Variants in MYO15A observed in about 807,000 individuals in gnomAD.
MYO15A encodes myosin XVA.
In MYO15A, 308 loss-of-function variants were observed where a neutral mutation model predicts 394.6. The ratio of observed to expected loss-of-function variants is 0.78; its 90% CI spans 0.71 to 0.86. The LOEUF (loss-of-function observed/expected upper bound fraction) is 0.86, where lower values mean the gene tolerates loss of function less well. Ranked by LOEUF, MYO15A falls within the 40% of genes least tolerant of loss-of-function variation. The pLI is 0.00. For missense variants in MYO15A, 4,606 were observed against 4,799.1 expected (o/e 0.96, Z 1.19); for synonymous variants, 1,957 against 2,003.8 (o/e 0.98, Z 0.62).
chr17:18,150,958 A>G lies in MYO15A; in HGVS notation c.7473+45A>G, dbSNP rs376066846. On this transcript the variant is annotated intron_variant, in intron 38 of 65. Transcript: ENST00000647165. This position sits in a 1 kb window ranked among gnomAD's most constrained non-coding sequence, Gnocchi z 4.4. ...GGTGCAGGGGTTGCTTGGAGACACA[A>G]GCTGTAAAGAGGAATGCTGTGCTGC... The G allele has an allele frequency of 9.4e-5, 151 of 1,609,662 alleles. No individual in the cohort carries two copies. The highest frequency in any genetic ancestry group is 1.2e-4 in the Non-Finnish European group (142 of 1,179,032).
intron 18 of MYO15A, 99 bp from the exon 19 acceptor site, chr17:18,139,435 G>C: frequency 7.4e-7 from 1 of 1,344,288 alleles, no homozygotes. Context: ...GTGGGGGCTG[G>C]AGGGGTGGGG....
chr17:18,136,728 A>T, intron 15 of MYO15A, 42 bp downstream of exon 15: 1 of 1,552,478 alleles, frequency 6.4e-7, no homozygotes, highest in Non-Finnish European at 8.7e-7. Context: ...GACATAGGCA[A>T]GGTCTCGCCT....
chr17:18,156,065 G>T, intron 47 of MYO15A, 130 bp from the exon 48 acceptor site: 1 of 1,415,402 alleles, frequency 7.1e-7, no homozygotes, highest in East Asian at 2.4e-5. Flanking sequence ...AGGGTTCTGT[G>T]GGAGCTGGCA....
chr17:18,133,365 C>T lies in MYO15A; in HGVS notation c.4461C>T (p.Asn1487=), dbSNP rs201076604. ...RILASILHLG[N]VYFEKYETDA... is the part of the protein sequence containing the mutation. ...TGGCCTCCATCCTGCACCTGGGCAA[C>T]GTCTACTTTGAGAAGTATGAGGTGA... Residue 1487 remains asparagine, a synonymous_variant, in exon 12 of 66, where the codon AAC becomes AAT. Transcript: ENST00000647165. The T allele has an allele frequency of 2.5e-4, 402 of 1,614,190 alleles. No homozygotes were observed. The highest frequency in any genetic ancestry group is 3.0e-4 in the Non-Finnish European group (355 of 1,180,036).
chr17:18,149,796 G>A, intron 35 of MYO15A: 1 of 620,494 alleles, frequency 1.6e-6, no homozygotes, highest in South Asian at 1.8e-5. Context: ...ACAGTTAGAA[G>A]TGCACCTCTA....
intron 64 of MYO15A, among the ~76,000 whole-genome samples, chr17:18,173,159 C>A (rs569122941): frequency 1.3e-4 from 20 of 152,272 alleles, no homozygotes; most frequent in African/African-American, 3.1e-4. Context: ...TTCCTTCTCT[C>A]CTGGGGGTGA....
In MYO15A at chr17:18,120,104, T is replaced by C. The variant is rs2045883463; in HGVS notation, c.1304T>C (p.Leu435Pro). The change falls in exon 2 of 66, where the codon CTG (leucine) becomes CCG (proline). Residue 435 changes from leucine to proline, a missense_variant. Leu to Pro is a moderately conservative substitution (Grantham distance 98). Around this residue, in one of 2 missense-constraint regions of MYO15A, gnomAD observed 1,830 missense variants for 1,689.7 expected, o/e 1.08. Transcript: ENST00000647165. ...YAHAMDDIAE[L>P]EEPEDAGVER... ...CACGCCATGGATGACATCGCCGAGCTGGAGGAACCAGAGGACGCGGGCGTA... is the reference window on the plus strand; with the variant it reads ...CACGCCATGGATGACATCGCCGAGCCGGAGGAACCAGAGGACGCGGGCGTA... 1 of 1,612,530 alleles carries C rather than the reference T, an allele frequency of 6.2e-7. No homozygotes were observed. The highest frequency in any genetic ancestry group is 8.5e-7 in the Non-Finnish European group (1 of 1,179,422).
chr17:18,148,020 A>G lies in MYO15A; in HGVS notation c.6510-9A>G. ...CTTCTTGATCCTGGCTCCAACTCCTACCCATCAGGTTTGTGTCTGATTATG... is the reference window on the plus strand; with the variant it reads ...CTTCTTGATCCTGGCTCCAACTCCTGCCCATCAGGTTTGTGTCTGATTATG... On this transcript the variant is annotated splice_polypyrimidine_tract_variant and intron_variant, in intron 30 of 65. Coordinates refer to ENST00000647165, the MANE Select transcript of MYO15A (RefSeq NM_016239.4). This position sits in a 1 kb window ranked among gnomAD's most constrained non-coding sequence, Gnocchi z 4.8. The G allele has an allele frequency of 1.9e-6, 3 of 1,613,656 alleles. No homozygotes were observed. Among genetic ancestry groups the G allele is most frequent in the Non-Finnish European group, 2.5e-6 (3 of 1,179,896 alleles).
chr17:18,118,544 G>C (rs1016973256), intron 1 of MYO15A, 38 bp from the exon 2 acceptor site: 1 of 553,324 alleles, frequency 1.8e-6, no homozygotes, highest in African/African-American at 1.9e-5. Context: ...TCCCCATCCT[G>C]GTAAACAACA....
rs2142249770 is a variant in MYO15A at position 18,120,651 on chromosome 17, G to T, written c.1851G>T (p.Met617Ile). The T allele has an allele frequency of 3.1e-6, 5 of 1,593,344 alleles. No individual in the cohort carries two copies. The highest frequency in any genetic ancestry group is 1.7e-5 in the Admixed American group (1 of 58,754). ...YKRFGYKLAG[M>I]DPEKPGTPIV... is the part of the protein sequence containing the mutation. The stretch of plus-strand genomic sequence containing the variant: ...GCTTCGGCTACAAGCTGGCTGGCAT[G>T]GACCCCGAGAAGCCCGGCACGCCCA... Residue 617 changes from methionine (M) to isoleucine (I), a missense_variant, in exon 2 of 66, where the codon ATG (methionine) becomes ATT (isoleucine). Physicochemically the swap from Met to Ile is conservative, Grantham distance 10. Transcript: ENST00000647165.
rs570567456 is a variant in MYO15A at position 18,108,822 on chromosome 17, C to G, written c.-222C>G. On this transcript the variant is annotated splice_region_variant and 5_prime_UTR_variant, in exon 1 of 66. Transcript: ENST00000647165. Reference sequence around the variant, plus strand: ...CAGGCGGGGAGCAGGCCACAGAACGCAGGTAAGGAGACCTTAGCCTAGAGT... The same window carrying G: ...CAGGCGGGGAGCAGGCCACAGAACGGAGGTAAGGAGACCTTAGCCTAGAGT... 6.5e-6 allele frequency: 1 copy of G among 152,884 alleles called. No individual in the cohort carries two copies. Among genetic ancestry groups the G allele is most frequent in the East Asian group, 1.9e-4 (1 of 5,168 alleles). 9.5% of individuals were successfully genotyped at this position (152,884 alleles called of 1,614,324 possible).
At chr17:18,139,292 C>T in intron 18 of MYO15A, 1 of 619,814 alleles carries the variant, frequency 1.6e-6, no homozygotes, top group East Asian at 2.9e-5. Flanking sequence ...GCCTCTGTCC[C>T]CATCCGGGCC....
rs1292874323 is a variant in MYO15A, at chr17:18,132,410, G to C, written c.4207-43G>C. On this transcript the variant is annotated intron_variant, in intron 10 of 65. Transcript: ENST00000647165. The surrounding 1 kb of genome is among the most constrained non-coding windows in gnomAD (Gnocchi z 4.6). ...TGTATGTGTGCCTGGGGGTCACCTA[G>C]GTAGGTGGCTCCCTTCTCTGTGCCC... 6.6e-7 allele frequency: 1 copy of C among 1,519,888 alleles called. No homozygotes were observed. Among genetic ancestry groups the C allele is most frequent in the Admixed American group, 1.7e-5 (1 of 59,884 alleles). 94.2% of individuals were successfully genotyped at this position (1,519,888 alleles called of 1,614,324 possible). A position where few individuals can be genotyped will look rare whatever the true frequency, so the allele number is the denominator to read the frequency against.
At chr17:18,131,122 T>A in intron 8 of MYO15A, 117 bp from the exon 9 acceptor site, 1 of 939,218 alleles carries the variant, frequency 1.1e-6, no homozygotes, top group Non-Finnish European at 1.7e-6. Context: ...TGGTCATCTC[T>A]CATAAAGGGA....
In MYO15A at chr17:18,135,738, G is replaced by C; in HGVS notation, c.4510G>C (p.Val1504Leu). Residue 1504 changes from valine (V) to leucine (L), a missense_variant, in exon 13 of 66, where the codon GTG becomes CTG. Physicochemically the swap from Val to Leu is conservative, Grantham distance 32. Transcript: ENST00000647165. ...GGATGCACAGGAGGTGGCCTCAGTG[G>C]TGAGTGCCCGAGAGATCCAGGCCGT... ...ETDAQEVASV[V>L]SAREIQAVAE... The C allele has an allele frequency of 6.2e-7, 1 of 1,614,190 alleles. No homozygotes were observed.
intron 16 of MYO15A, 153 bp from the exon 17 acceptor site, chr17:18,137,962 A>G: frequency 8.9e-7 from 1 of 1,121,970 alleles, no homozygotes. Flanking sequence ...GAGTTGGCTC[A>G]TGCTGCCTTA....
rs563901690 is a variant in MYO15A, at chr17:18,138,091, G to GCTC, written c.4876-21_4876-19dup. The GCTC allele has an allele frequency of 1.4e-5, 22 of 1,605,814 alleles. No homozygotes were observed. In the East Asian group the frequency reaches 4.2e-4, roughly 31 times the overall value. ...GCCCTGGACAGGGATGGGAGGTTGA[G>GCTC]CTCCTGCTGCCCACTGCCTGCAGGA... On this transcript the variant is annotated intron_variant, in intron 16 of 65. Coordinates refer to ENST00000647165, the MANE Select transcript of MYO15A (RefSeq NM_016239.4).
At position 18,121,952 on chromosome 17, in the gene MYO15A, T is replaced by C; in HGVS notation, c.3152T>C (p.Leu1051Pro). The C allele has an allele frequency of 1.9e-6, 3 of 1,611,750 alleles. No homozygotes were observed. Among genetic ancestry groups the C allele is most frequent in the Non-Finnish European group, 2.5e-6 (3 of 1,179,928 alleles). The change falls in exon 2 of 66, where the codon CTC becomes CCC. Residue 1051 changes from leucine (L) to proline (P), a missense_variant. By Grantham distance (98) the Leu-to-Pro change is moderately conservative. Transcript: ENST00000647165. The surrounding 1 kb of genome is among the most constrained non-coding windows in gnomAD (Gnocchi z 5.3). ...GATATCACTCCCCCCAAGGATGTCC[T>C]CCCAGAGCAAAAGACATTAAGGCCC... The part of the protein sequence containing the change: ...PKDITPPKDV[L>P]PEQKTLRPSL...
chr17:18,119,361 C>G lies in MYO15A; in HGVS notation c.561C>G (p.Leu187=), dbSNP rs1320695219. ...GAEILRPGGR[L]RRFPRSRSIY... is the part of the protein sequence containing the mutation. ...AGATCCTGCGGCCTGGGGGCCGGCTCCGGAGGTTCCCCCGCAGCCGCAGCA... is the reference window on the plus strand; with the variant it reads ...AGATCCTGCGGCCTGGGGGCCGGCTGCGGAGGTTCCCCCGCAGCCGCAGCA... The change falls in exon 2 of 66, where the codon CTC becomes CTG. Residue 187 remains leucine (L), a synonymous_variant. Transcript: ENST00000647165. 1 of 1,609,348 alleles carries G rather than the reference C, an allele frequency of 6.2e-7. No homozygotes were observed. Among genetic ancestry groups the G allele is most frequent in the Non-Finnish European group, 8.5e-7 (1 of 1,179,276 alleles).
Sources: gnomAD v4.1 joint callset for allele counts (sites outside exome capture counted in the v4.1 genomes callset) on GRCh38, gnomAD v4.1.1 for gene constraint, gnomAD v4.1.1 regional missense constraint, Gnocchi (gnomAD v3.1) non-coding constraint, MANE v1.5 for transcripts, NCBI Gene and HGNC (gene_info 2026-07-23, HGNC 2026-07-21) for gene names.